The following ELMO1 variants were observed in gnomAD, a reference collection of about 807,000 sequenced individuals.
ELMO1 encodes the protein engulfment and cell motility 1, also known as engulfment and cell motility protein 1.
In ELMO1, 26 loss-of-function variants were observed where a neutral mutation model predicts 98.9. The observed-to-expected ratio is 0.26, with a 90% confidence interval of 0.19 to 0.36. The LOEUF (loss-of-function observed/expected upper bound fraction) is 0.36, where lower values mean the gene tolerates loss of function less well. ELMO1 is among the 10% of genes least tolerant of loss of function. The probability of loss-of-function intolerance (pLI) is 1.00; values close to 1 mark genes in which losing one functional copy is unlikely to be tolerated. For missense variants in ELMO1, 627 were observed against 935.2 expected, an observed-to-expected ratio of 0.67 and a Z score of 4.30; for synonymous variants, 346 against 346.0, an observed-to-expected ratio of 1.00 and a Z score of 0.00.
At chr7:37,066,898 A>G (rs1241470142) in intron 15 of ELMO1, among the ~76,000 whole-genome samples, 1 of 152,198 alleles carries the variant, frequency 6.6e-6, no homozygotes, top group Admixed American at 6.5e-5. Flanking sequence ...ATCTGCTCTG[A>G]TACTTGGAAA....
chr7:37,263,447 C>A (rs1056150566), intron 5 of ELMO1, among the ~76,000 whole-genome samples: 1 of 152,136 alleles, frequency 6.6e-6, no homozygotes, highest in African/African-American at 2.4e-5. Flanking sequence ...TTCTCAACCT[C>A]CTGGGGCTCA....
intron 15 of ELMO1, among the ~76,000 whole-genome samples, chr7:37,042,121 G>GA (rs200188901): frequency 0.022 from 2,161 of 97,090 alleles, 24 homozygotes; most frequent in Non-Finnish European, 0.03. Context: ...CCGTCTCTAC[G>GA]AAAAAAAAAA....
At chr7:36,881,705 G>A (rs1804475334) in intron 18 of ELMO1, among the ~76,000 whole-genome samples, 1 of 152,110 alleles carries the variant, frequency 6.6e-6, no homozygotes, top group African/African-American at 2.4e-5. Flanking sequence ...TGCTTTCAGA[G>A]TTCACAAGCC....
At chr7:37,294,008 T>C (rs1307902110) in intron 4 of ELMO1, among the ~76,000 whole-genome samples, 2 of 152,142 alleles carry the variant, frequency 1.3e-5, no homozygotes, top group African/African-American at 4.8e-5. Flanking sequence ...TTTGACACCA[T>C]AAAACTTACA....
Position 37,211,505 on chromosome 7 carries a change from T to C in ELMO1, c.967A>G (p.Ile323Val), listed in dbSNP as rs1159640337. 3.1e-6 allele frequency: 5 copies of C among 1,613,996 alleles called. No individual in the cohort carries two copies. The highest frequency in any genetic ancestry group is 1.7e-5 in the Admixed American group (1 of 60,006). Residue 323 changes from isoleucine (I) to valine (V), a missense_variant, in exon 13 of 22, where the codon ATC becomes GTC. Ile to Val is a conservative substitution (Grantham distance 29, BLOSUM62 3). Transcript: ENST00000310758. ...GCAATTCTTCGAAGTTCAAATATGA[T>C]GTCCCTCTGAGCCTGAAGGAATCAG... is the stretch of plus-strand genomic sequence containing the variant. ...MDPQDQAQRD[I>V]IFELRRIAFD...
intron 4 of ELMO1, among the ~76,000 whole-genome samples, chr7:37,295,759 T>C (rs1352450575): frequency 6.6e-6 from 1 of 152,204 alleles, no homozygotes; most frequent in Non-Finnish European, 1.5e-5. Context: ...AAAGAAGTAT[T>C]GTATCAACAT....
In ELMO1 at chr7:37,365,783, T is replaced by A. The variant is rs138361969; in HGVS notation, c.-73-23020A>T. ...CAATTATTCCAACTCACTATTTACT[T>A]TTTCGAGGCAGAGACATAGTAAAGT... On this transcript the variant is annotated intron_variant, in intron 1 of 21. Transcript: ENST00000310758. Among the ~76,000 whole-genome samples, 46 of 152,358 alleles carry A rather than the reference T, an allele frequency of 3.0e-4. 2 individuals are homozygous for A. The highest frequency in any genetic ancestry group is 1.0e-3 in the African/African-American group (42 of 41,580).
intron 15 of ELMO1, among the ~76,000 whole-genome samples, chr7:37,072,062 ATAATCTAAAAC>A (rs2129225497): frequency 6.6e-6 from 1 of 152,328 alleles, no homozygotes; most frequent in South Asian, 2.1e-4. Context: ...TAACTCAAAA[ATAATCTAAAAC>A]TTACAAAAAT....
intron 13 of ELMO1, among the ~76,000 whole-genome samples, chr7:37,177,615 CTG>C (rs1170649216): frequency 6.6e-6 from 1 of 151,974 alleles, no homozygotes; most frequent in Non-Finnish European, 1.5e-5. Flanking sequence ...TCCTGTCACT[CTG>C]TGTTCAAGAG....
At chr7:37,274,038 A>G (rs1278279177) in intron 4 of ELMO1, among the ~76,000 whole-genome samples, 1 of 152,198 alleles carries the variant, frequency 6.6e-6, no homozygotes, top group Non-Finnish European at 1.5e-5. Context: ...TATGTGTGCA[A>G]TTCAGCCCAG....
chr7:37,013,392 G>A lies in ELMO1; in HGVS notation c.1344C>T (p.His448=), dbSNP rs946481834. The A allele has an allele frequency of 5.6e-6, 9 of 1,613,926 alleles. No individual in the cohort carries two copies. Among genetic ancestry groups the A allele is most frequent in the African/African-American group, 4.0e-5 (3 of 74,902 alleles). The change falls in exon 16 of 22, where the codon CAC becomes CAT. Residue 448 remains histidine (H), a synonymous_variant. Transcript: ENST00000310758. ...CNDFHPMFFT[H]DRSFEEFFCI... ...AGAAAAACTCCTCAAAGGATCTGTC[G>A]TGGGTGAAGAACATCGGGTGGAAGT... is the stretch of plus-strand genomic sequence containing the variant.
intron 1 of ELMO1, among the ~76,000 whole-genome samples, chr7:37,363,689 A>AT (rs1801787412): frequency 6.6e-6 from 1 of 151,950 alleles, no homozygotes; most frequent in Non-Finnish European, 1.5e-5. Context: ...CTCCCCTTTC[A>AT]TTTTTTGCTA....
At chr7:37,404,223 C>G (rs1299861757) in intron 1 of ELMO1, among the ~76,000 whole-genome samples, 1 of 152,146 alleles carries the variant, frequency 6.6e-6, no homozygotes, top group Admixed American at 6.5e-5. Context: ...TCCATCCTCA[C>G]TGGTCCACTC....
intron 13 of ELMO1, among the ~76,000 whole-genome samples, chr7:37,163,044 G>T (rs1423964129): frequency 6.6e-6 from 1 of 152,110 alleles, no homozygotes; most frequent in East Asian, 1.9e-4. Flanking sequence ...TTATTTTCAA[G>T]TTTTAAATAA....
chr7:37,307,192 AT>A (rs1798654729), intron 4 of ELMO1, among the ~76,000 whole-genome samples: 2 of 152,326 alleles, frequency 1.3e-5, no homozygotes, highest in East Asian at 3.9e-4. Context: ...TTTGATATAA[AT>A]TAGTCAGGTG....
intron 1 of ELMO1, among the ~76,000 whole-genome samples, chr7:37,389,690 T>A (rs1012862359): frequency 2.6e-5 from 4 of 152,210 alleles, no homozygotes; most frequent in Non-Finnish European, 4.4e-5. Context: ...CTCCAGACCC[T>A]GATATTCAGC....
At chr7:37,167,144 G>C (rs528076080) in intron 13 of ELMO1, among the ~76,000 whole-genome samples, 1 of 152,042 alleles carries the variant, frequency 6.6e-6, no homozygotes, top group South Asian at 2.1e-4. Flanking sequence ...TGTTTTATCA[G>C]AGACTAGGAT....
At chr7:37,309,093 AT>A (rs1798766289) in intron 4 of ELMO1, among the ~76,000 whole-genome samples, 1 of 152,186 alleles carries the variant, frequency 6.6e-6, no homozygotes, top group African/African-American at 2.4e-5. Context: ...CATGCTGCTA[AT>A]AAAGACATAC....
intron 1 of ELMO1, among the ~76,000 whole-genome samples, chr7:37,344,795 A>G (rs1190984555): frequency 2.0e-5 from 3 of 152,218 alleles, no homozygotes; most frequent in Non-Finnish European, 4.4e-5. Flanking sequence ...GCTGAACATA[A>G]AGAGGAAAAG....
Sources: allele counts gnomAD v4.1 joint callset (sites outside exome capture counted in the v4.1 genomes callset), GRCh38; gene constraint gnomAD v4.1.1; transcripts MANE v1.5; gene names NCBI Gene and HGNC (gene_info 2026-07-23, HGNC 2026-07-21).